The following SLC19A3 variants were observed in gnomAD, a reference collection of about 807,000 sequenced individuals.
SLC19A3 encodes the protein thiamine transporter 2.
A neutral mutation model predicts 40.2 loss-of-function variants in SLC19A3; 31 were observed. The observed-to-expected ratio is 0.77, with a 90% CI of 0.58 to 1.04. The LOEUF (loss-of-function observed/expected upper bound fraction) is 1.04, where lower values mean the gene tolerates loss of function less well. SLC19A3 is among the 50% of genes least tolerant of loss of function. The pLI, the probability that SLC19A3 is intolerant of heterozygous loss-of-function variation, is 0.00. For missense variants in SLC19A3, 592 were observed against 596.7 expected (o/e 0.99, Z 0.08); for synonymous variants, 212 against 227.5 (o/e 0.93, Z 0.61).
In SLC19A3 at chr2:227,709,014, C is replaced by G. The variant is rs149255479; in HGVS notation, c.-2-6694G>C. On this transcript the variant is annotated intron_variant, in intron 1 of 5. Transcript: ENST00000644224. ...TATGCATTGGGGAATCATATTGGATCTAAGCTAATTTGGACCTTATTTAAA... is the reference window on the plus strand; with the variant it reads ...TATGCATTGGGGAATCATATTGGATGTAAGCTAATTTGGACCTTATTTAAA... Among the ~76,000 whole-genome samples, 1,272 of 152,256 alleles carry G rather than the reference C, an allele frequency of 8.4e-3. 13 individuals are homozygous for G. The highest frequency in any genetic ancestry group is 0.029 in the African/African-American group (1,209 of 41,532).
chr2:227,704,471 G>A (rs990809671), intron 1 of SLC19A3, among the ~76,000 whole-genome samples: 1 of 152,172 alleles, frequency 6.6e-6, no homozygotes, highest in Admixed American at 6.5e-5. Context: ...CATGGAGGTG[G>A]TATGGTTGTC....
At chr2:227,712,899 C>T (rs1323509537) in intron 1 of SLC19A3, among the ~76,000 whole-genome samples, 4 of 150,976 alleles carry the variant, frequency 2.6e-5, no homozygotes, top group African/African-American at 2.4e-5. Context: ...TGGTGGTTGC[C>T]TGGGGTGGGA....
intron 1 of SLC19A3, among the ~76,000 whole-genome samples, chr2:227,715,140 A>G (rs950303971): frequency 2.0e-5 from 3 of 150,888 alleles, no homozygotes; most frequent in African/African-American, 4.9e-5. Context: ...TATTCTTACT[A>G]AAGTCACCTA....
chr2:227,713,451 T>TAGATCATAAGGGCTC (rs1312546530), intron 1 of SLC19A3, among the ~76,000 whole-genome samples: 3 of 149,556 alleles, frequency 2.0e-5, no homozygotes, highest in Non-Finnish European at 4.4e-5. Flanking sequence ...CAAGAGTGAT[T>TAGATCATAAGGGCTC]AGATCATAAG....
chr2:227,712,537 G>T (rs570190318), intron 1 of SLC19A3, among the ~76,000 whole-genome samples: 1 of 152,132 alleles, frequency 6.6e-6, no homozygotes, highest in Non-Finnish European at 1.5e-5. Flanking sequence ...CCAAATGTTG[G>T]CAAAGATTTA....
chr2:227,692,817 C>T lies in SLC19A3; in HGVS notation c.1172+3072G>A, dbSNP rs556737495. Among the ~76,000 whole-genome samples the T allele has an allele frequency of 7.9e-5, 12 of 152,248 alleles. No individual in the cohort carries two copies. The East Asian group carries it at 2.1e-3, about 27-fold the overall frequency. ...ATTTAGGAAAACTTAAAGACTCTTA[C>T]CAATAAACTATTAGAACTGATAAAT... On this transcript the variant is annotated intron_variant, in intron 4 of 5. Coordinates refer to ENST00000644224, the MANE Select transcript of SLC19A3 (RefSeq NM_025243.4).
chr2:227,700,540 C>G (rs2106330638), intron 2 of SLC19A3, among the ~76,000 whole-genome samples: 1 of 152,150 alleles, frequency 6.6e-6, no homozygotes. Flanking sequence ...TCCATCTGAA[C>G]AACAACAACA....
intron 3 of SLC19A3, among the ~76,000 whole-genome samples, chr2:227,698,412 C>T (rs1421845401): frequency 6.6e-6 from 1 of 152,048 alleles, no homozygotes; most frequent in Non-Finnish European, 1.5e-5. Flanking sequence ...TCGCCAGCCT[C>T]GGCCTCCCAA....
In SLC19A3 at chr2:227,688,249, T is replaced by C; in HGVS notation, c.1231A>G (p.Thr411Ala). 4 of 1,614,066 alleles carry C rather than the reference T, an allele frequency of 2.5e-6. No homozygotes were observed. The highest frequency in any genetic ancestry group is 2.5e-6 in the Non-Finnish European group (3 of 1,179,930). The change falls in exon 5 of 6, where the codon ACC becomes GCC. Residue 411 changes from threonine (T) to alanine (A), a missense_variant. Physicochemically the swap from Thr to Ala is moderately conservative, Grantham distance 58. Coordinates refer to ENST00000644224, the MANE Select transcript of SLC19A3 (RefSeq NM_025243.4). ...ERYALVFGIN[T>A]FIALVIQTIM... Reference sequence around the variant, plus strand: ...GTCTGAATCACCAAGGCAATAAAGGTGTTGATTCCAAATACCAAGGCATAG... The same window carrying C: ...GTCTGAATCACCAAGGCAATAAAGGCGTTGATTCCAAATACCAAGGCATAG...
intron 1 of SLC19A3, among the ~76,000 whole-genome samples, chr2:227,708,711 T>A (rs899732247): frequency 2.6e-5 from 4 of 152,254 alleles, no homozygotes; most frequent in Non-Finnish European, 4.4e-5. Flanking sequence ...TCTGAAACTG[T>A]CAGTGTTCTT....
At chr2:227,693,577 T>C (rs1438436461) in intron 4 of SLC19A3, among the ~76,000 whole-genome samples, 3 of 152,162 alleles carry the variant, frequency 2.0e-5, no homozygotes, top group African/African-American at 7.2e-5. Flanking sequence ...TCTCACTATA[T>C]ACAAAATCAA....
chr2:227,715,061 C>A (rs1308341453), intron 1 of SLC19A3, among the ~76,000 whole-genome samples: 2 of 151,990 alleles, frequency 1.3e-5, no homozygotes, highest in Non-Finnish European at 2.9e-5. Flanking sequence ...CTCAAGTGCT[C>A]CACCCGCCTC....
chr2:227,707,363 T>A (rs1695983467), intron 1 of SLC19A3, among the ~76,000 whole-genome samples: 1 of 152,082 alleles, frequency 6.6e-6, no homozygotes, highest in Non-Finnish European at 1.5e-5. Context: ...GTCAGGTGGA[T>A]CGCTTGAGCT....
intron 2 of SLC19A3, chr2:227,700,763 A>T (rs1384989170): frequency 2.1e-6 from 1 of 485,880 alleles, no homozygotes; most frequent in Non-Finnish European, 3.3e-6. Context: ...AATTCTGCTG[A>T]TTTGTTTATG....
intron 4 of SLC19A3, among the ~76,000 whole-genome samples, chr2:227,691,560 G>C (rs941584833): frequency 6.6e-6 from 1 of 152,050 alleles, no homozygotes; most frequent in Non-Finnish European, 1.5e-5. Flanking sequence ...AGTGAGTAGA[G>C]ATTATCACGC....
At chr2:227,692,012 G>A (rs1004663772) in intron 4 of SLC19A3, among the ~76,000 whole-genome samples, 8 of 131,778 alleles carry the variant, frequency 6.1e-5, no homozygotes, top group Admixed American at 2.1e-4. Flanking sequence ...CAACCTATCC[G>A]ATTGAACCAT....
intron 5 of SLC19A3, 102 bp downstream of exon 5, chr2:227,688,064 T>G (rs1695086814): frequency 7.7e-7 from 1 of 1,298,628 alleles, no homozygotes; most frequent in Non-Finnish European, 1.1e-6. Flanking sequence ...ATGTATTTTT[T>G]AATTGCTTAA....
intron 4 of SLC19A3, among the ~76,000 whole-genome samples, chr2:227,693,926 GT>G (rs1182777063): frequency 6.6e-6 from 1 of 152,164 alleles, no homozygotes; most frequent in Non-Finnish European, 1.5e-5. Flanking sequence ...CTGAACAGAT[GT>G]TTCTTTAAAG....
Position 227,699,575 on chromosome 2 carries a change from G to A in SLC19A3, c.151-11C>T, listed in dbSNP as rs750892091. On this transcript the variant is annotated splice_polypyrimidine_tract_variant and intron_variant, in intron 2 of 5. Transcript: ENST00000644224. ...GATCTCATTTGTTATCTGCAAAGTT[G>A]GTAAATTGCATGACCACGAAGCACC... 1.9e-6 allele frequency: 3 copies of A among 1,610,922 alleles called. No homozygotes were observed. The highest frequency in any genetic ancestry group is 2.5e-6 in the Non-Finnish European group (3 of 1,177,320).
Sources: gnomAD v4.1 joint callset for allele counts (sites outside exome capture counted in the v4.1 genomes callset) on GRCh38, gnomAD v4.1.1 for gene constraint, MANE v1.5 for transcripts, NCBI Gene and HGNC (gene_info 2026-07-23, HGNC 2026-07-21) for gene names.